Variants in NODAL observed in about 807,000 individuals in gnomAD.
NODAL encodes the protein nodal homolog.
A neutral mutation model predicts 34.0 loss-of-function variants in NODAL; 12 were observed. The ratio of observed to expected loss-of-function variants is 0.35; its 90% confidence interval spans 0.23 to 0.57. The LOEUF (loss-of-function observed/expected upper bound fraction) is 0.57. Among genes scored for constraint, NODAL ranks in the 20% least tolerant of loss-of-function variants. NODAL has a pLI of 0.83. For synonymous variants in NODAL, 162 were observed against 186.4 expected (o/e 0.87, Z 1.07); for missense variants, 390 against 444.2 (o/e 0.88, Z 1.10).
intron 2 of NODAL, 43 bp downstream of exon 2, chr10:70,435,243 G>T: frequency 5.2e-6 from 8 of 1,530,600 alleles, no homozygotes; most frequent in South Asian, 1.2e-5. Context: ...GTCCCCCAAG[G>T]CCAGCTTACT....
At chr10:70,434,925 T>A in intron 2 of NODAL, 2 of 287,802 alleles carry the variant, frequency 6.9e-6, no homozygotes, top group Non-Finnish European at 6.7e-6. Flanking sequence ...TAATGAGGAG[T>A]CAAATGCAGG....
chr10:70,442,073 A>T (rs1845438651), upstream of NODAL, among the ~76,000 whole-genome samples: 1 of 152,132 alleles, frequency 6.6e-6, no homozygotes, highest in Non-Finnish European at 1.5e-5. Context: ...CTGCAAATGG[A>T]CCGCAGGCTC....
Position 70,434,984 on chromosome 10 carries a change from C to CT in NODAL, c.891+301dup, listed in dbSNP as rs569935745. ...TTCTTCCTTTCCTAGAATGTCAGGG[C>CT]TAGGGAAGTGCTGAGACCCTCTGGT... is the stretch of plus-strand genomic sequence containing the variant. On this transcript the variant is annotated intron_variant, in intron 2 of 2. Transcript: ENST00000287139. 1.8e-3 allele frequency: 699 copies of CT among 391,852 alleles called. 5 individuals are homozygous for CT. Among genetic ancestry groups the CT allele is most frequent in the Middle Eastern group, 4.7e-3 (6 of 1,290 alleles). 24.3% of individuals were successfully genotyped at this position (391,852 alleles called of 1,614,324 possible).
upstream of NODAL, among the ~76,000 whole-genome samples, chr10:70,441,994 C>G (rs956266781): frequency 2.6e-5 from 4 of 152,170 alleles, no homozygotes; most frequent in African/African-American, 7.2e-5. Context: ...CCGGCAGATT[C>G]CCAGGTCAGA....
chr10:70,435,058 A>G, intron 2 of NODAL: 1 of 556,000 alleles, frequency 1.8e-6, no homozygotes, highest in Non-Finnish European at 3.2e-6. Flanking sequence ...AGTCCCAGGG[A>G]AACAATGTGT....
rs143239895 is a variant in NODAL, at chr10:70,435,632, G to A, written c.545C>T (p.Pro182Leu). 1.3e-4 allele frequency: 209 copies of A among 1,613,964 alleles called. 1 individual carries two copies. In the African/African-American group the frequency reaches 2.3e-3, roughly 17 times the overall value. Residue 182 changes from proline (P) to leucine (L), a missense_variant, in exon 2 of 3, where the codon CCG (proline) becomes CTG (leucine). Pro to Leu is a moderately conservative substitution (Grantham distance 98, BLOSUM62 -3). Coordinates refer to ENST00000287139, the MANE Select transcript of NODAL (RefSeq NM_018055.5). ...GGTGGCAGGCGGTGTGGGGGGCCGC[G>A]GCCAGCACTCTCCAGCTACCCTGGA... ...QMSRVAGECW[P>L]RPPTPPATNV...
At chr10:70,442,150 G>T (rs1845439592), upstream of NODAL, among the ~76,000 whole-genome samples, 1 of 152,236 alleles carries the variant, frequency 6.6e-6, no homozygotes, top group Admixed American at 6.5e-5. Flanking sequence ...ACACAATCTG[G>T]CCGGCGCAGC....
At chr10:70,443,577 C>A (rs193122122), upstream of NODAL, among the ~76,000 whole-genome samples, 918 of 152,136 alleles carry the variant, frequency 6.0e-3, 4 homozygotes, top group South Asian at 0.012. Context: ...CAGTGGCTCA[C>A]GCCTGTAATC....
chr10:70,445,249 TTTAA>T (rs889345961), upstream of NODAL, among the ~76,000 whole-genome samples: 14 of 152,206 alleles, frequency 9.2e-5, no homozygotes, highest in East Asian at 7.7e-4. Context: ...TTTTTTAATT[TTTAA>T]TTAATTAATT....
intron 1 of NODAL, 102 bp downstream of exon 1, chr10:70,441,373 A>G: frequency 7.4e-7 from 1 of 1,346,224 alleles, no homozygotes; most frequent in Non-Finnish European, 1.0e-6. Context: ...CCCGGCTCGG[A>G]GCCGCAGCCC....
At chr10:70,441,440 G>A in intron 1 of NODAL, 35 bp downstream of exon 1, 2 of 1,548,500 alleles carry the variant, frequency 1.3e-6, no homozygotes, top group Non-Finnish European at 1.7e-6. Context: ...CGCCCCGGGG[G>A]TGCCCAGCAG....
Position 70,441,631 on chromosome 10 carries a change from A to T in NODAL, c.37T>A (p.Trp13Arg). The change falls in exon 1 of 3, where the codon TGG (tryptophan) becomes AGG (arginine). Residue 13 changes from tryptophan to arginine, a missense_variant. By Grantham distance (101) the Trp-to-Arg change is moderately radical. Coordinates refer to ENST00000287139, the MANE Select transcript of NODAL (RefSeq NM_018055.5). The part of the protein sequence containing the change: ...AHCLPFLLHA[W>R]WALLQAGAAT... ...GCACCCGCCTGGAGTAGGGCCCACC[A>T]GGCGTGCAGAAGGAAGGGCAGGCAG... 6.4e-7 allele frequency: 1 copy of T among 1,551,838 alleles called. No individual in the cohort carries two copies. The highest frequency in any genetic ancestry group is 8.7e-7 in the Non-Finnish European group (1 of 1,148,314).
intron 2 of NODAL, among the ~76,000 whole-genome samples, chr10:70,434,605 C>T (rs902665520): frequency 3.3e-5 from 5 of 152,144 alleles, no homozygotes; most frequent in Admixed American, 2.0e-4. Flanking sequence ...TCAGGTGATC[C>T]GCCCACCTCA....
intron 1 of NODAL, among the ~76,000 whole-genome samples, chr10:70,440,731 C>A (rs12777854): frequency 0.17 from 25,548 of 152,174 alleles, 2,289 homozygotes; most frequent in African/African-American, 0.18. Flanking sequence ...GACACCCACT[C>A]CCCTGCAAAT....
chr10:70,442,368 C>T (rs1192349987), upstream of NODAL, among the ~76,000 whole-genome samples: 1 of 152,214 alleles, frequency 6.6e-6, no homozygotes, highest in East Asian at 1.9e-4. Flanking sequence ...CAGACATCAC[C>T]CCAGTGATTT....
upstream of NODAL, among the ~76,000 whole-genome samples, chr10:70,444,079 C>T (rs1484103416): frequency 2.0e-5 from 3 of 151,632 alleles, no homozygotes. Context: ...ATTACAGGTC[C>T]CCACCACCAT....
At chr10:70,445,699 C>T (rs1456121672), upstream of NODAL, among the ~76,000 whole-genome samples, 1 of 152,194 alleles carries the variant, frequency 6.6e-6, no homozygotes, top group Non-Finnish European at 1.5e-5. Context: ...AACAGAAGCT[C>T]AGATAATTTG....
In NODAL at chr10:70,435,271, C is replaced by T. The variant is rs369869149; in HGVS notation, c.891+15G>A. On this transcript the variant is annotated intron_variant, in intron 2 of 2. Coordinates refer to ENST00000287139, the MANE Select transcript of NODAL (RefSeq NM_018055.5). ...AGCTTACTGCCTCCCCTCCCCCTCA[C>T]GCCTGGCATCCCACCTGGATGTATG... is the stretch of plus-strand genomic sequence containing the variant. The T allele has an allele frequency of 1.1e-5, 18 of 1,594,676 alleles. No homozygotes were observed. The East Asian group carries it at 1.6e-4, about 14-fold the overall frequency.
Position 70,432,741 on chromosome 10 carries a change from G to C in NODAL, c.*195C>G, listed in dbSNP as rs949978867. 4.4e-5 allele frequency: 28 copies of C among 642,580 alleles called. No homozygotes were observed. Among genetic ancestry groups the C allele is most frequent in the Non-Finnish European group, 4.2e-5 (15 of 359,208 alleles). The allele number at this position is 642,580 out of a possible 1,614,324, so 39.8% of individuals were successfully genotyped here. A position where few individuals can be genotyped will look rare whatever the true frequency, so the allele number is the denominator to read the frequency against. On this transcript the variant is annotated 3_prime_UTR_variant, in exon 3 of 3. Coordinates refer to ENST00000287139, the MANE Select transcript of NODAL (RefSeq NM_018055.5). Reference sequence around the variant, plus strand: ...GGCTTCTTCCTCCCTCTTCCTGACAGCAGCCTCTGTGCTTGGCCAGACTCC... The same window carrying C: ...GGCTTCTTCCTCCCTCTTCCTGACACCAGCCTCTGTGCTTGGCCAGACTCC...
Sources: gnomAD v4.1 joint callset for allele counts (sites outside exome capture counted in the v4.1 genomes callset) on GRCh38, gnomAD v4.1.1 for gene constraint, MANE v1.5 for transcripts, NCBI Gene and HGNC (gene_info 2026-07-23, HGNC 2026-07-21) for gene names.